WDR83: variants seen among roughly 807,000 people sequenced by gnomAD.
WDR83 encodes WD repeat domain 83, also known as WD repeat domain-containing protein 83.
Under a neutral mutation model 37.7 loss-of-function variants are expected in WDR83, and 37 were observed. The observed-to-expected ratio is 0.98, with a 90% CI of 0.76 to 1.29. The LOEUF (loss-of-function observed/expected upper bound fraction) is 1.29, where lower values mean the gene tolerates loss of function less well. Among genes scored for constraint, WDR83 ranks in the 50% most tolerant of loss-of-function variants. The probability of loss-of-function intolerance (pLI) is 0.00; values close to 1 mark genes in which losing one functional copy is unlikely to be tolerated. For missense variants in WDR83, 445 were observed against 414.4 expected (o/e 1.07, Z -0.64); for synonymous variants, 174 against 181.1 (o/e 0.96, Z 0.31).
intron 2 of WDR83, 184 bp from the exon 3 acceptor site, chr19:12,669,571 G>T (rs990076241): frequency 1.0e-5 from 10 of 973,616 alleles, no homozygotes; most frequent in African/African-American, 9.9e-5. Context: ...GGAGAAGCCA[G>T]AAGTCTTCCT....
In WDR83 at chr19:12,669,396, G is replaced by C. The variant is rs763450181; in HGVS notation, c.-36-359G>C. On this transcript the variant is annotated intron_variant, in intron 2 of 10. Coordinates refer to ENST00000418543, the MANE Select transcript of WDR83 (RefSeq NM_001099737.3). ...CCTCCGTGGGTCCGACATATTGTTA[G>C]TGGACATAGCGAGTCGAAGGCCAGA... The C allele has an allele frequency of 1.8e-5, 29 of 1,598,482 alleles. No homozygotes were observed. The Admixed American group carries it at 4.0e-4, about 22-fold the overall frequency.
Position 12,675,807 on chromosome 19 carries a change from G to A in WDR83, c.*135G>A. On this transcript the variant is annotated 3_prime_UTR_variant, in exon 11 of 11. Coordinates refer to ENST00000418543, the MANE Select transcript of WDR83 (RefSeq NM_001099737.3). ...GGTCTGCAAATTAATAAATAGAAGAGGGGGTAAGACCTTCCTGGGACCGCA... is the reference window on the plus strand; with the variant it reads ...GGTCTGCAAATTAATAAATAGAAGAAGGGGTAAGACCTTCCTGGGACCGCA... The A allele has an allele frequency of 2.5e-6, 4 of 1,571,162 alleles. No individual in the cohort carries two copies. Among genetic ancestry groups the A allele is most frequent in the South Asian group, 1.2e-5 (1 of 85,982 alleles).
At chr19:12,670,521 C>G (rs2024381258) in intron 5 of WDR83, 42 bp from the exon 6 acceptor site, 9 of 1,613,978 alleles carry the variant, frequency 5.6e-6, no homozygotes, top group Non-Finnish European at 6.8e-6. Flanking sequence ...TATCCCAGTC[C>G]TCCAAAGTCC....
chr19:12,668,639 G>T lies in WDR83; in HGVS notation c.-37+12G>T. On this transcript the variant is annotated intron_variant, in intron 2 of 10. Coordinates refer to ENST00000418543, the MANE Select transcript of WDR83 (RefSeq NM_001099737.3). The stretch of plus-strand genomic sequence containing the variant: ...TCAGCTAGGGAAAGGTAAGTGGGTG[G>T]GCAGGTTAGTGAAAGGCACAACAAT... 6.2e-7 allele frequency: 1 copy of T among 1,608,214 alleles called. No homozygotes were observed. Among genetic ancestry groups the T allele is most frequent in the Non-Finnish European group, 8.5e-7 (1 of 1,175,504 alleles).
intron 10 of WDR83, among the ~76,000 whole-genome samples, chr19:12,674,271 G>C (rs2024506262): frequency 1.3e-5 from 2 of 152,194 alleles, no homozygotes; most frequent in South Asian, 4.1e-4. Context: ...TAGCATCCCT[G>C]TGCATGGTTT....
chr19:12,674,447 C>CG (rs200476950), intron 10 of WDR83, among the ~76,000 whole-genome samples: 5,962 of 152,084 alleles, frequency 0.039, 139 homozygotes, highest in Non-Finnish European at 0.045. Context: ...TGGAGGGAAC[C>CG]GGGGGGGCCC....
In WDR83 at chr19:12,673,790, C is replaced by G. The variant is rs932340714; in HGVS notation, c.798+474C>G. On this transcript the variant is annotated intron_variant, in intron 10 of 10. Transcript: ENST00000418543. Reference sequence around the variant, plus strand: ...CTCAGCTCACTGCAACCTCTTCCCCCCAGGGTTCAGGTGATTCTCATGTCT... The same window carrying G: ...CTCAGCTCACTGCAACCTCTTCCCCGCAGGGTTCAGGTGATTCTCATGTCT... Among the ~76,000 whole-genome samples, 15 of 152,270 alleles carry G rather than the reference C, an allele frequency of 9.9e-5. No individual in the cohort carries two copies. In the East Asian group the frequency reaches 2.5e-3, roughly 26 times the overall value.
intron 7 of WDR83, among the ~76,000 whole-genome samples, chr19:12,671,776 C>G (rs140750221): frequency 6.6e-6 from 1 of 152,168 alleles, no homozygotes; most frequent in African/African-American, 2.4e-5. Flanking sequence ...CGGCTCACTG[C>G]AACCTCTAAC....
intron 10 of WDR83, among the ~76,000 whole-genome samples, chr19:12,674,830 T>A (rs1006227630): frequency 3.3e-5 from 5 of 151,934 alleles, no homozygotes; most frequent in African/African-American, 1.2e-4. Context: ...AGAAAAAGAC[T>A]CCCGGCCAGG....
At chr19:12,671,788 T>C (rs2024427494) in intron 7 of WDR83, among the ~76,000 whole-genome samples, 1 of 152,082 alleles carries the variant, frequency 6.6e-6, no homozygotes, top group African/African-American at 2.4e-5. Context: ...ACCTCTAACT[T>C]CTAGGTTCAG....
At chr19:12,669,568 C>G in intron 2 of WDR83, 187 bp from the exon 3 acceptor site, 1 of 981,852 alleles carries the variant, frequency 1.0e-6, no homozygotes, top group Non-Finnish European at 1.5e-6. Flanking sequence ...TTAGGAGAAG[C>G]CAGAAGTCTT....
Position 12,673,008 on chromosome 19 carries a change from G to T in WDR83, c.575G>T (p.Ser192Ile), listed in dbSNP as rs2024469024. 1.2e-6 allele frequency: 2 copies of T among 1,612,466 alleles called. No individual in the cohort carries two copies. Among genetic ancestry groups the T allele is most frequent in the African/African-American group, 2.7e-5 (2 of 74,848 alleles). ...CTCACCTACCCACCCTTCCCCCAAG[G>T]CCCCATCACCTGCACCTGCTTCAGC... ...MGQLFSDYVG[S>I]PITCTCFSRD... Residue 192 changes from serine (S) to isoleucine (I), a missense_variant and splice_region_variant, in exon 9 of 11, where the codon AGC (serine) becomes ATC (isoleucine). Coordinates refer to ENST00000418543, the MANE Select transcript of WDR83 (RefSeq NM_001099737.3).
chr19:12,668,661 CAAT>C (rs765161025), intron 2 of WDR83, 34 bp downstream of exon 2: 11 of 1,533,316 alleles, frequency 7.2e-6, no homozygotes, highest in African/African-American at 4.1e-5. Flanking sequence ...AAAGGCACAA[CAAT>C]GAGTCCCCGA....
chr19:12,672,022 G>A (rs2024435927), intron 7 of WDR83, among the ~76,000 whole-genome samples: 1 of 152,216 alleles, frequency 6.6e-6, no homozygotes, highest in South Asian at 2.1e-4. Context: ...TATTCATTAA[G>A]TGGAAGTGAA....
Position 12,675,508 on chromosome 19 carries a change from C to T in WDR83, c.799-15C>T, listed in dbSNP as rs781692627. 1.2e-6 allele frequency: 2 copies of T among 1,601,286 alleles called. No individual in the cohort carries two copies. The highest frequency in any genetic ancestry group is 8.5e-7 in the Non-Finnish European group (1 of 1,179,624). Reference sequence around the variant, plus strand: ...CCCAGCCACAGATAACCACTCCCTACCCCTCGCTCCACAGGGTGCGCTGGC... The same window carrying T: ...CCCAGCCACAGATAACCACTCCCTATCCCTCGCTCCACAGGGTGCGCTGGC... On this transcript the variant is annotated splice_polypyrimidine_tract_variant and intron_variant, in intron 10 of 10. Coordinates refer to ENST00000418543, the MANE Select transcript of WDR83 (RefSeq NM_001099737.3).
chr19:12,671,895 G>A (rs1362204588), intron 7 of WDR83, among the ~76,000 whole-genome samples: 3 of 152,022 alleles, frequency 2.0e-5, no homozygotes, highest in Admixed American at 6.6e-5. Context: ...ACGGGGTTTC[G>A]CCATGTTGGC....
intron 10 of WDR83, 54 bp downstream of exon 10, chr19:12,673,370 T>C: frequency 9.1e-7 from 1 of 1,100,050 alleles, no homozygotes; most frequent in Non-Finnish European, 1.3e-6. Flanking sequence ...ATCTCAGCCC[T>C]GTCCTTACCT....
chr19:12,673,557 A>G (rs1488938939), intron 10 of WDR83, among the ~76,000 whole-genome samples: 5 of 151,268 alleles, frequency 3.3e-5, no homozygotes, highest in Non-Finnish European at 5.9e-5. Flanking sequence ...AGTTGGGATT[A>G]TAGGTGCGTG....
chr19:12,668,218 G>T (rs137992994), intron 1 of WDR83: 71 of 835,072 alleles, frequency 8.5e-5, no homozygotes, highest in Non-Finnish European at 6.2e-5. Flanking sequence ...AAAGGGCCAG[G>T]TTCCCTCTAT....
Sources: allele counts gnomAD v4.1 joint callset (sites outside exome capture counted in the v4.1 genomes callset), GRCh38; gene constraint gnomAD v4.1.1; transcripts MANE v1.5; gene names NCBI Gene and HGNC (gene_info 2026-07-23, HGNC 2026-07-21).